PLCH1: variants seen among roughly 807,000 people sequenced by gnomAD.
The protein encoded by PLCH1 is 1-phosphatidylinositol 4,5-bisphosphate phosphodiesterase eta-1.
In PLCH1, 60 loss-of-function variants were observed where a neutral mutation model predicts 126.7. The observed-to-expected ratio is 0.47, with a 90% CI of 0.38 to 0.59. The LOEUF (loss-of-function observed/expected upper bound fraction) is 0.59. Among genes scored for constraint, PLCH1 ranks in the 20% least tolerant of loss-of-function variants. The pLI, the probability that PLCH1 is intolerant of heterozygous loss-of-function variation, is 0.00. For missense variants in PLCH1, 1,723 were observed against 2,040.0 expected, an observed-to-expected ratio of 0.84 and a Z score of 2.99; for synonymous variants, 719 against 734.9, an observed-to-expected ratio of 0.98 and a Z score of 0.35.
At chr3:155,484,860 G>A (rs1250179363) in intron 22 of PLCH1, among the ~76,000 whole-genome samples, 2 of 152,146 alleles carry the variant, frequency 1.3e-5, no homozygotes, top group African/African-American at 4.8e-5. Context: ...TGAGGCCACA[G>A]GAAAACACTG....
intron 6 of PLCH1, among the ~76,000 whole-genome samples, chr3:155,582,185 A>G (rs1730806155): frequency 7.0e-6 from 1 of 143,700 alleles, no homozygotes; most frequent in Non-Finnish European, 1.5e-5. Flanking sequence ...GGGTTCAAGC[A>G]ATTCTCCCTG....
At chr3:155,671,870 G>T (rs1743490807) in intron 2 of PLCH1, among the ~76,000 whole-genome samples, 1 of 152,144 alleles carries the variant, frequency 6.6e-6, no homozygotes, top group Non-Finnish European at 1.5e-5. Context: ...CTACAAAAAG[G>T]AAAGTAAAAG....
intron 22 of PLCH1, chr3:155,483,261 T>G (rs1343371041): frequency 1.0e-6 from 1 of 986,076 alleles, no homozygotes; most frequent in African/African-American, 1.6e-5. Flanking sequence ...GGAGCTTCCC[T>G]TTGAATATCT....
chr3:155,591,656 T>C lies in PLCH1; in HGVS notation c.470+2285A>G, dbSNP rs190268423. ...TATTATAAATAAACACATTTTTATG[T>C]CTCACATTTAATCTCTAATATGACA... is the stretch of plus-strand genomic sequence containing the variant. On this transcript the variant is annotated intron_variant, in intron 4 of 22. Transcript: ENST00000460012. 1.6e-3 allele frequency among the ~76,000 whole-genome samples: 243 copies of C among 152,348 alleles called. 6 individuals are homozygous for C. The highest frequency in any genetic ancestry group is 0.016 in the Admixed American group (242 of 15,300).
chr3:155,523,799 C>T (rs920173600), intron 11 of PLCH1, 98 bp downstream of exon 11: 75 of 678,032 alleles, frequency 1.1e-4, no homozygotes, highest in African/African-American at 3.7e-5. Flanking sequence ...TACACCACAG[C>T]CACCATAATT....
Position 155,494,456 on chromosome 3 carries a change from T to G in PLCH1, c.1956A>C (p.Lys652Asn), listed in dbSNP as rs759470578. The G allele has an allele frequency of 4.3e-6, 7 of 1,614,100 alleles. No individual in the cohort carries two copies. Among genetic ancestry groups the G allele is most frequent in the East Asian group, 4.5e-5 (2 of 44,884 alleles). Residue 652 changes from lysine to asparagine, a missense_variant, in exon 16 of 23, where the codon AAA (lysine) becomes AAC (asparagine). Lys to Asn is a moderately conservative substitution (Grantham distance 94). Transcript: ENST00000460012. Reference sequence around the variant, plus strand: ...GATTATAAATCATGAACTGCTCTGATTTTTGCTGAACAACCTGATGTGCTC... The same window carrying G: ...GATTATAAATCATGAACTGCTCTGAGTTTTGCTGAACAACCTGATGTGCTC... ...ETRAHQVVQQ[K>N]SEQFMIYNQK...
At chr3:155,718,425 T>A (rs887306824) in intron 1 of PLCH1, among the ~76,000 whole-genome samples, 1 of 152,158 alleles carries the variant, frequency 6.6e-6, no homozygotes, top group Non-Finnish European at 1.5e-5. Flanking sequence ...TACTGCACTC[T>A]CAGAACCAAT....
At chr3:155,479,510 T>C (rs1003950812), downstream of PLCH1, among the ~76,000 whole-genome samples, 1 of 152,090 alleles carries the variant, frequency 6.6e-6, no homozygotes, top group Non-Finnish European at 1.5e-5. Flanking sequence ...CAATTTCACT[T>C]GCCAAACATA....
chr3:155,650,732 G>T (rs1740615185), intron 2 of PLCH1, among the ~76,000 whole-genome samples: 2 of 152,188 alleles, frequency 1.3e-5, no homozygotes, highest in Non-Finnish European at 2.9e-5. Flanking sequence ...TGTAGAAGAA[G>T]AAATTACCAA....
chr3:155,665,785 T>C (rs1427636862), intron 2 of PLCH1, among the ~76,000 whole-genome samples: 1 of 152,220 alleles, frequency 6.6e-6, no homozygotes, highest in Non-Finnish European at 1.5e-5. Flanking sequence ...ATTACAAATG[T>C]ATAAAGAAGT....
chr3:155,720,830 T>C (rs1005974274), intron 1 of PLCH1, among the ~76,000 whole-genome samples: 3 of 152,250 alleles, frequency 2.0e-5, no homozygotes, highest in Admixed American at 6.5e-5. Context: ...TCCAATGTTA[T>C]CTTCCAGAAT....
intron 8 of PLCH1, among the ~76,000 whole-genome samples, chr3:155,563,134 C>T (rs1727857826): frequency 6.6e-6 from 1 of 152,164 alleles, no homozygotes; most frequent in African/African-American, 2.4e-5. Context: ...CCCTTGTGCT[C>T]CCTACTCCTA....
At chr3:155,579,868 G>A (rs887332536) in intron 6 of PLCH1, among the ~76,000 whole-genome samples, 2 of 151,820 alleles carry the variant, frequency 1.3e-5, no homozygotes, top group Non-Finnish European at 1.5e-5. Flanking sequence ...GTCTGTCTGT[G>A]TCTGTCTCTG....
chr3:155,572,104 T>C (rs1729305109), intron 6 of PLCH1, among the ~76,000 whole-genome samples: 1 of 152,204 alleles, frequency 6.6e-6, no homozygotes, highest in Non-Finnish European at 1.5e-5. Context: ...CCATGAATTG[T>C]GCTTTTTTTC....
intron 2 of PLCH1, among the ~76,000 whole-genome samples, chr3:155,640,037 C>G (rs1739224562): frequency 6.6e-6 from 1 of 152,222 alleles, no homozygotes; most frequent in Admixed American, 6.5e-5. Flanking sequence ...GCCTGCAGAA[C>G]TGTGAGTCTT....
intron 2 of PLCH1, among the ~76,000 whole-genome samples, chr3:155,624,149 C>T (rs1203653055): frequency 6.6e-6 from 1 of 152,074 alleles, no homozygotes; most frequent in East Asian, 1.9e-4. Context: ...ATGACAAAAA[C>T]GACATGATTA....
Position 155,606,674 on chromosome 3 carries a change from C to T in PLCH1, c.80-10296G>A, listed in dbSNP as rs145258484. On this transcript the variant is annotated intron_variant, in intron 2 of 22. Coordinates refer to ENST00000460012, the MANE Select transcript of PLCH1 (RefSeq NM_014996.4). ...TGCACATTTAGATAAGAAAAACATGCTCTTGGGCATGAAGAAGGTATTGAA... is the reference window on the plus strand; with the variant it reads ...TGCACATTTAGATAAGAAAAACATGTTCTTGGGCATGAAGAAGGTATTGAA... 7.2e-3 allele frequency among the ~76,000 whole-genome samples: 1,091 copies of T among 152,268 alleles called. 7 individuals carry two copies. The highest frequency in any genetic ancestry group is 0.021 in the South Asian group (99 of 4,822).
At chr3:155,536,711 C>T (rs1430900241) in intron 10 of PLCH1, among the ~76,000 whole-genome samples, 1 of 151,832 alleles carries the variant, frequency 6.6e-6, no homozygotes, top group Non-Finnish European at 1.5e-5. Flanking sequence ...CTTGGTGTTC[C>T]CCAGGAAGAA....
At chr3:155,462,860 G>A (rs1712779464) in intron 21 of PLCH1, among the ~76,000 whole-genome samples, 1 of 152,208 alleles carries the variant, frequency 6.6e-6, no homozygotes, top group African/African-American at 2.4e-5. Flanking sequence ...CCAGGGTTCT[G>A]GCTCCCCAGT....
Sources: gnomAD v4.1 joint callset for allele counts (sites outside exome capture counted in the v4.1 genomes callset) on GRCh38, gnomAD v4.1.1 for gene constraint, MANE v1.5 for transcripts, NCBI Gene and HGNC (gene_info 2026-07-23, HGNC 2026-07-21) for gene names.